MDN1: variants seen among roughly 807,000 people sequenced by gnomAD.
The protein encoded by MDN1 is midasin AAA ATPase 1.
In MDN1, 266 loss-of-function variants were observed where a neutral mutation model predicts 669.2. That is an observed-to-expected ratio of 0.40 (90% CI 0.36 to 0.44). MDN1 has a LOEUF of 0.44. MDN1 is among the 20% of genes least tolerant of loss of function. The pLI is 1.00. For missense variants in MDN1, 5,940 were observed against 6,754.0 expected (o/e 0.88, Z 4.22); for synonymous variants, 2,385 against 2,457.1 (o/e 0.97, Z 0.87).
At chr6:89,659,695 A>G (rs1809583630) in intron 88 of MDN1, among the ~76,000 whole-genome samples, 1 of 152,250 alleles carries the variant, frequency 6.6e-6, no homozygotes, top group African/African-American at 2.4e-5. Flanking sequence ...TTTTAGGCCA[A>G]TGGAAATGGC....
intron 11 of MDN1, among the ~76,000 whole-genome samples, chr6:89,777,199 T>C (rs1818399114): frequency 6.6e-6 from 1 of 152,184 alleles, no homozygotes; most frequent in African/African-American, 2.4e-5. Context: ...CCACCAAAAA[T>C]GGACTGTACC....
intron 1 of MDN1, among the ~76,000 whole-genome samples, chr6:89,809,736 A>G (rs1212575835): frequency 6.6e-6 from 1 of 151,076 alleles, no homozygotes; most frequent in Non-Finnish European, 1.5e-5. Context: ...CGATTCTGCC[A>G]CTGCACTCAA....
Position 89,662,961 on chromosome 6 carries a change from T to A in MDN1, c.14243A>T (p.Asp4748Val). ...HDGELEEQEE[D>V]DEKSDSEGGD... The stretch of plus-strand genomic sequence containing the variant: ...GCCCTCACTATCTGATTTCTCATCA[T>A]CCTCTTCTGAAAGGGAAGGCACTGA... The change falls in exon 86 of 102, where the codon GAT (aspartate) becomes GTT (valine). Residue 4748 changes from aspartate to valine, a missense_variant. Physicochemically the swap from Asp to Val is radical, Grantham distance 152. Transcript: ENST00000369393. 2 of 1,614,082 alleles carry A rather than the reference T, an allele frequency of 1.2e-6. No individual in the cohort carries two copies. Among genetic ancestry groups the A allele is most frequent in the Non-Finnish European group, 1.7e-6 (2 of 1,180,018 alleles).
In MDN1 at chr6:89,706,133, CA is replaced by C. The variant is rs35107588; in HGVS notation, c.8073del (p.Phe2691LeufsTer7). ...AGCAGGACTAGTGCATCACAAAGTT[CA>C]AAAAAAGCAGCAAGATTGACCACAA... The part of the protein sequence containing the change: ...HEIVVNLAAF[F>X]ELCDALVLLW... On this transcript the variant is annotated frameshift_variant, in exon 53 of 102. Transcript: ENST00000369393. LOFTEE classifies it high-confidence loss of function. The C allele has an allele frequency of 3.1e-6, 5 of 1,612,976 alleles. No individual in the cohort carries two copies. Among genetic ancestry groups the C allele is most frequent in the Non-Finnish European group, 3.4e-6 (4 of 1,179,310 alleles).
chr6:89,668,246 A>G lies in MDN1; in HGVS notation c.13957-95T>C, dbSNP rs556428200. ...CCACAGGAAAACAATTTAAACACATACTGAATTCTTTTTCTAGCTCATTAT... is the reference window on the plus strand; with the variant it reads ...CCACAGGAAAACAATTTAAACACATGCTGAATTCTTTTTCTAGCTCATTAT... On this transcript the variant is annotated intron_variant, in intron 83 of 101. Coordinates refer to ENST00000369393, the MANE Select transcript of MDN1 (RefSeq NM_014611.3). 5 of 1,440,204 alleles carry G rather than the reference A, an allele frequency of 3.5e-6. No individual in the cohort carries two copies. The South Asian group carries it at 6.3e-5, about 18-fold the overall frequency. The allele number at this position is 1,440,204 out of a possible 1,614,324, so 89.2% of individuals were successfully genotyped here.
In MDN1 at chr6:89,646,616, C is replaced by G. The variant is rs762277015; in HGVS notation, c.16396-13G>C. 1 of 1,610,806 alleles carries G rather than the reference C, an allele frequency of 6.2e-7. No homozygotes were observed. The highest frequency in any genetic ancestry group is 1.3e-5 in the African/African-American group (1 of 74,820). On this transcript the variant is annotated splice_polypyrimidine_tract_variant and intron_variant, in intron 99 of 101. Transcript: ENST00000369393. ...CAGACTCTAGAAACTAAACCGGAAC[C>G]AGGAATAGACAATTAGAAAACTATG...
intron 33 of MDN1, among the ~76,000 whole-genome samples, chr6:89,733,850 A>G (rs1439528014): frequency 6.6e-6 from 1 of 152,168 alleles, no homozygotes; most frequent in Non-Finnish European, 1.5e-5. Context: ...TTTAAGAAAC[A>G]AAATCAGAGA....
chr6:89,752,119 T>C (rs1335578100), intron 22 of MDN1, among the ~76,000 whole-genome samples: 2 of 152,126 alleles, frequency 1.3e-5, no homozygotes, highest in African/African-American at 2.4e-5. Flanking sequence ...TTTTTATAAG[T>C]AAAAAAATGG....
At chr6:89,662,064 G>A in intron 87 of MDN1, 23 bp downstream of exon 87, 1 of 1,604,336 alleles carries the variant, frequency 6.2e-7, no homozygotes, top group Non-Finnish European at 8.5e-7. Flanking sequence ...CAAGAGAGCG[G>A]ATCAGTTTCA....
intron 13 of MDN1, 76 bp from the exon 14 acceptor site, chr6:89,772,797 C>G (rs1253307096): frequency 6.7e-7 from 1 of 1,491,066 alleles, no homozygotes; most frequent in African/African-American, 1.4e-5. Flanking sequence ...ACCATATATT[C>G]CAGATTCAAC....
At chr6:89,801,167 G>A (rs1429973599) in intron 2 of MDN1, among the ~76,000 whole-genome samples, 7 of 152,068 alleles carry the variant, frequency 4.6e-5, no homozygotes, top group South Asian at 4.2e-4. Context: ...AGGCCAAGGC[G>A]GGCAGATCAC....
chr6:89,716,472 C>G (rs1239765314), intron 44 of MDN1, among the ~76,000 whole-genome samples, 178 bp downstream of exon 44: 1 of 152,234 alleles, frequency 6.6e-6, no homozygotes, highest in Non-Finnish European at 1.5e-5. Context: ...TTATAACTGT[C>G]TGATGACGAA....
At chr6:89,654,507 A>G (rs1027258355) in intron 92 of MDN1, among the ~76,000 whole-genome samples, 173 bp from the exon 93 acceptor site, 2 of 152,080 alleles carry the variant, frequency 1.3e-5, no homozygotes, top group East Asian at 3.9e-4. Flanking sequence ...TTTCCTATTG[A>G]CCTATTGACA....
At position 89,790,308 on chromosome 6, in the gene MDN1, T is replaced by C. The variant is rs371234295; in HGVS notation, c.949A>G (p.Met317Val). Residue 317 changes from methionine to valine, a missense_variant, in exon 6 of 102, where the codon ATG (methionine) becomes GTG (valine). By Grantham distance (21) the Met-to-Val change is conservative. Coordinates refer to ENST00000369393, the MANE Select transcript of MDN1 (RefSeq NM_014611.3). Reference sequence around the variant, plus strand: ...ACAGCATTCTGAGAAGCAACCGCCATAGCCAGGGTCTGAAGACTTTTGCAG... The same window carrying C: ...ACAGCATTCTGAGAAGCAACCGCCACAGCCAGGGTCTGAAGACTTTTGCAG... ...SVCKSLQTLA[M>V]AVASQNAVLL... 6 of 1,613,986 alleles carry C rather than the reference T, an allele frequency of 3.7e-6. No homozygotes were observed. The highest frequency in any genetic ancestry group is 2.2e-5 in the East Asian group (1 of 44,900).
intron 10 of MDN1, among the ~76,000 whole-genome samples, chr6:89,780,732 C>G (rs1409649708): frequency 2.0e-5 from 3 of 150,662 alleles, no homozygotes; most frequent in Non-Finnish European, 4.4e-5. Context: ...GCAACCTCCA[C>G]CCGGGTTCAG....
chr6:89,743,700 G>T lies in MDN1; in HGVS notation c.4193C>A (p.Thr1398Asn). ...CAAGGCTGCAAATACCTGACAGATA[G>T]TAGTTTTCCCACACCTGTTAGAGAT... ...LVGDTGCGKT[T>N]ICQVFAALAN... Residue 1398 changes from threonine (T) to asparagine (N), a missense_variant, in exon 30 of 102, where the codon ACT becomes AAT. Physicochemically the swap from Thr to Asn is moderately conservative, Grantham distance 65. Transcript: ENST00000369393. 1 of 1,614,024 alleles carries T rather than the reference G, an allele frequency of 6.2e-7. No individual in the cohort carries two copies.
Position 89,650,085 on chromosome 6 carries a change from T to C in MDN1, c.16145A>G (p.Gln5382Arg). ...WLRRTKPSKR[Q>R]YQICLAIDDS... ...ATCGATAGCCAAACAAATCTGATAC[T>C]GGCGTTTACTGGGCTTGGTCCTTCG... Residue 5382 changes from glutamine (Q) to arginine (R), a missense_variant, in exon 97 of 102, where the codon CAG (glutamine) becomes CGG (arginine). Coordinates refer to ENST00000369393, the MANE Select transcript of MDN1 (RefSeq NM_014611.3). The C allele has an allele frequency of 1.2e-6, 2 of 1,614,166 alleles. No individual in the cohort carries two copies. The highest frequency in any genetic ancestry group is 1.7e-6 in the Non-Finnish European group (2 of 1,180,018).
In MDN1 at chr6:89,712,657, G is replaced by T; in HGVS notation, c.7348C>A (p.His2450Asn). The T allele has an allele frequency of 6.2e-7, 1 of 1,614,086 alleles. No individual in the cohort carries two copies. Among genetic ancestry groups the T allele is most frequent in the Non-Finnish European group, 8.5e-7 (1 of 1,179,952 alleles). Residue 2450 changes from histidine to asparagine, a missense_variant, in exon 48 of 102, where the codon CAC (histidine) becomes AAC (asparagine). Coordinates refer to ENST00000369393, the MANE Select transcript of MDN1 (RefSeq NM_014611.3). Reference sequence around the variant, plus strand: ...CCATCTCTTCGGACTGTAGACAGGTGTGAATCTTCAGTAGCAAAGAGAGCT... The same window carrying T: ...CCATCTCTTCGGACTGTAGACAGGTTTGAATCTTCAGTAGCAAAGAGAGCT... ...PSALFATEDS[H>N]LSTVRRDGQI...
intron 84 of MDN1, among the ~76,000 whole-genome samples, chr6:89,666,328 C>T (rs913340106): frequency 3.3e-5 from 5 of 152,140 alleles, no homozygotes; most frequent in African/African-American, 7.2e-5. Context: ...TGCAATGGCA[C>T]GATCTTGGCC....
Sources: allele counts gnomAD v4.1 joint callset (sites outside exome capture counted in the v4.1 genomes callset), GRCh38; gene constraint gnomAD v4.1.1; transcripts MANE v1.5; gene names NCBI Gene and HGNC (gene_info 2026-07-23, HGNC 2026-07-21).